BLM: variants seen among roughly 807,000 people sequenced by gnomAD.
The protein encoded by BLM is recQ-like DNA helicase BLM.
BLM carries 95 observed loss-of-function variants against 135.3 expected under a neutral mutation model. The ratio of observed to expected loss-of-function variants is 0.70; its 90% CI spans 0.59 to 0.83. The LOEUF is 0.83. Among genes scored for constraint, BLM ranks in the 40% least tolerant of loss-of-function variants. The pLI is 0.00. For synonymous variants in BLM, 520 were observed against 589.2 expected (o/e 0.88, Z 1.70); for missense variants, 1,518 against 1,663.9 (o/e 0.91, Z 1.53).
intron 10 of BLM, among the ~76,000 whole-genome samples, chr15:90,768,892 A>G (rs1039236010): frequency 6.6e-6 from 1 of 151,920 alleles, no homozygotes; most frequent in East Asian, 1.9e-4. Flanking sequence ...ACGCCCGGCT[A>G]ATTTTGTATT....
chr15:90,774,081 T>TTTC (rs1896403651), intron 12 of BLM, among the ~76,000 whole-genome samples: 1 of 145,660 alleles, frequency 6.9e-6, no homozygotes, highest in Non-Finnish European at 1.5e-5. Context: ...TTTTTTTTTT[T>TTTC]TTTTTTTTTT....
chr15:90,803,749 A>G (rs763777218), intron 18 of BLM, 29 bp downstream of exon 18: 113 of 1,606,694 alleles, frequency 7.0e-5, no homozygotes, highest in Non-Finnish European at 8.9e-5. Flanking sequence ...TTATTTTATT[A>G]TCTCACAATG....
rs1895622104 is a variant in BLM at position 90,749,779 on chromosome 15, A to G, written c.511A>G (p.Thr171Ala). The G allele has an allele frequency of 1.2e-6, 2 of 1,612,458 alleles. No homozygotes were observed. The highest frequency in any genetic ancestry group is 8.5e-7 in the Non-Finnish European group (1 of 1,179,010). The change falls in exon 3 of 22, where the codon ACA becomes GCA. Residue 171 changes from threonine to alanine, a missense_variant. Thr to Ala is a moderately conservative substitution (Grantham distance 58). This residue lies in a region of BLM where 724 missense variants were observed against 756.9 expected (regional missense o/e 0.96). Coordinates refer to ENST00000355112, the MANE Select transcript of BLM (RefSeq NM_000057.4). Reference protein sequence around the residue: ...DTSETSKSFVTPPQSHFVRVS... With the variant: ...DTSETSKSFVAPPQSHFVRVS... ...TTCTGAGACTTCAAAATCATTTGTTACACCACCCCAAAGTCACTTTGTAAG... is the reference window on the plus strand; with the variant it reads ...TTCTGAGACTTCAAAATCATTTGTTGCACCACCCCAAAGTCACTTTGTAAG...
chr15:90,750,322 C>A (rs562588498), intron 3 of BLM, among the ~76,000 whole-genome samples: 6 of 152,272 alleles, frequency 3.9e-5, no homozygotes, highest in South Asian at 4.1e-4. Flanking sequence ...GGAGTTTCCC[C>A]TTGTCCACAG....
chr15:90,725,100 C>G (rs372298175), intron 1 of BLM, among the ~76,000 whole-genome samples: 1 of 151,882 alleles, frequency 6.6e-6, no homozygotes, highest in Non-Finnish European at 1.5e-5. Flanking sequence ...GTAGAGAGAG[C>G]GTTTTGCCAT....
At chr15:90,803,755 C>A in intron 18 of BLM, 35 bp downstream of exon 18, 1 of 1,597,312 alleles carries the variant, frequency 6.3e-7, no homozygotes, top group Non-Finnish European at 8.6e-7. Context: ...TATTATCTCA[C>A]AATGAGTGAA....
intron 21 of BLM, among the ~76,000 whole-genome samples, chr15:90,813,047 G>C (rs1179494364): frequency 2.0e-5 from 3 of 152,120 alleles, no homozygotes; most frequent in African/African-American, 7.2e-5. Context: ...GGAAGCTTAG[G>C]CCTGGCCTGG....
At position 90,760,644 on chromosome 15, in the gene BLM, T is replaced by G; in HGVS notation, c.1271T>G (p.Leu424Arg). 6.2e-7 allele frequency: 1 copy of G among 1,613,202 alleles called. No homozygotes were observed. Among genetic ancestry groups the G allele is most frequent in the Non-Finnish European group, 8.5e-7 (1 of 1,179,288 alleles). Residue 424 changes from leucine (L) to arginine (R), a missense_variant, in exon 7 of 22, where the codon CTT becomes CGT. By Grantham distance (102) the Leu-to-Arg change is moderately radical. Transcript: ENST00000355112. ...TTTAATAAAAGTGATGCCAGTCTTCTTGGCTCATTGTGGAGATACAGGCCT... is the reference window on the plus strand; with the variant it reads ...TTTAATAAAAGTGATGCCAGTCTTCGTGGCTCATTGTGGAGATACAGGCCT... ...VDFNKSDASL[L>R]GSLWRYRPDS...
chr15:90,810,885 A>C (rs1342711143), intron 20 of BLM, among the ~76,000 whole-genome samples: 1 of 152,188 alleles, frequency 6.6e-6, no homozygotes, highest in Non-Finnish European at 1.5e-5. Context: ...ACCAGAACTA[A>C]CTGCCCAATC....
intron 16 of BLM, among the ~76,000 whole-genome samples, chr15:90,796,149 TGG>T (rs2151188707): frequency 6.6e-6 from 1 of 152,294 alleles, no homozygotes; most frequent in African/African-American, 2.4e-5. Context: ...ACTGGAAGGA[TGG>T]AGTTATCCTT....
At chr15:90,795,426 G>A (rs1172808377) in intron 16 of BLM, among the ~76,000 whole-genome samples, 1 of 152,096 alleles carries the variant, frequency 6.6e-6, no homozygotes, top group African/African-American at 2.4e-5. Flanking sequence ...GCTGCAGTGA[G>A]CCAAGATCAT....
rs758753168 is a variant in BLM, at chr15:90,803,524, G to T, written c.3362G>T (p.Ser1121Ile). The change falls in exon 18 of 22, where the codon AGT becomes ATT. Residue 1121 changes from serine (S) to isoleucine (I), a missense_variant. Physicochemically the swap from Ser to Ile is moderately radical, Grantham distance 142. Transcript: ENST00000355112. Reference protein sequence around the residue: ...MNMLVDIFLGSKSAKIQSGIF... With the variant: ...MNMLVDIFLGIKSAKIQSGIF... ...ACTTCCTGTATCTTCTTATCAGGGA[G>T]TAAGAGTGCAAAAATCCAGTCAGGT... 10 of 1,612,290 alleles carry T rather than the reference G, an allele frequency of 6.2e-6. No homozygotes were observed. Among genetic ancestry groups the T allele is most frequent in the Admixed American group, 1.7e-5 (1 of 60,004 alleles).
chr15:90,784,327 C>CTTT (rs769540432), intron 13 of BLM, among the ~76,000 whole-genome samples: 957 of 69,970 alleles, frequency 0.014, 28 homozygotes, highest in African/African-American at 0.023. Context: ...AATGGCTTTT[C>CTTT]TTTTTTTTTT....
chr15:90,808,055 G>C (rs1056878187), intron 19 of BLM, among the ~76,000 whole-genome samples: 1 of 152,210 alleles, frequency 6.6e-6, no homozygotes, highest in Admixed American at 6.5e-5. Flanking sequence ...ATTTCTAGGC[G>C]ATTAGTGTAG....
chr15:90,727,077 T>C (rs2151129866), intron 1 of BLM, among the ~76,000 whole-genome samples: 1 of 152,358 alleles, frequency 6.6e-6, no homozygotes, highest in East Asian at 1.9e-4. Flanking sequence ...TTCTCTTTTC[T>C]CTGCATCCTC....
chr15:90,717,629 GA>G (rs1567218741), intron 1 of BLM, among the ~76,000 whole-genome samples, 189 bp downstream of exon 1: 1 of 152,216 alleles, frequency 6.6e-6, no homozygotes, highest in Non-Finnish European at 1.5e-5. Flanking sequence ...CCCAAATGGG[GA>G]AACAGAGGCC....
At chr15:90,795,866 G>A (rs1332368572) in intron 16 of BLM, among the ~76,000 whole-genome samples, 2 of 152,214 alleles carry the variant, frequency 1.3e-5, no homozygotes, top group South Asian at 2.1e-4. Context: ...AGTATTAGAC[G>A]GGGTGGTCCT....
chr15:90,736,764 A>G (rs1219788407), intron 1 of BLM, among the ~76,000 whole-genome samples: 1 of 152,144 alleles, frequency 6.6e-6, no homozygotes, highest in Non-Finnish European at 1.5e-5. Flanking sequence ...ACATGAATGG[A>G]AAGCGTACAT....
intron 1 of BLM, among the ~76,000 whole-genome samples, chr15:90,742,927 TG>T (rs369438154): frequency 3.1e-4 from 46 of 150,744 alleles, no homozygotes; most frequent in South Asian, 2.3e-3. Flanking sequence ...TGAGCCGCCG[TG>T]CCCAGCCTAT....
Sources: gnomAD v4.1 joint callset for allele counts (sites outside exome capture counted in the v4.1 genomes callset) on GRCh38, gnomAD v4.1.1 for gene constraint, gnomAD v4.1.1 regional missense constraint, MANE v1.5 for transcripts, NCBI Gene and HGNC (gene_info 2026-07-23, HGNC 2026-07-21) for gene names.